SYCP2L: variants seen among roughly 807,000 people sequenced by gnomAD.
The protein encoded by SYCP2L is synaptonemal complex protein 2 like.
SYCP2L carries 98 observed loss-of-function variants against 125.8 expected under a neutral mutation model. The observed-to-expected ratio is 0.78, with a 90% confidence interval of 0.66 to 0.92. The LOEUF is 0.92. SYCP2L is among the 40% of genes least tolerant of loss of function. SYCP2L has a pLI of 0.00. For missense variants in SYCP2L, 842 were observed against 936.4 expected (o/e 0.90, Z 1.32); for synonymous variants, 317 against 325.4 (o/e 0.97, Z 0.28).
intron 14 of SYCP2L, among the ~76,000 whole-genome samples, chr6:10,918,604 T>C (rs185647768): frequency 7.2e-5 from 11 of 152,216 alleles, no homozygotes; most frequent in African/African-American, 2.6e-4. Context: ...TGGTGTGATC[T>C]CAGCTCACTG....
intron 15 of SYCP2L, 55 bp downstream of exon 15, chr6:10,924,696 C>T (rs1780867682): frequency 7.3e-7 from 1 of 1,367,588 alleles, no homozygotes; most frequent in Non-Finnish European, 9.5e-7. Context: ...TGTTTCATGT[C>T]TATTAAATGT....
chr6:10,910,051 C>T, intron 10 of SYCP2L, 97 bp from the exon 11 acceptor site: 1 of 917,442 alleles, frequency 1.1e-6, no homozygotes, highest in Admixed American at 2.2e-5. Context: ...GCCTCCTGGT[C>T]ATTTAGAAGC....
chr6:10,907,249 C>T (rs1449728635), intron 9 of SYCP2L, among the ~76,000 whole-genome samples: 2 of 151,728 alleles, frequency 1.3e-5, no homozygotes, highest in South Asian at 4.2e-4. Flanking sequence ...GAGGCTGAGG[C>T]AGGAGAATCA....
At chr6:10,971,060 G>T (rs1028927342) in intron 29 of SYCP2L, among the ~76,000 whole-genome samples, 8 of 152,292 alleles carry the variant, frequency 5.3e-5, no homozygotes, top group Admixed American at 5.2e-4. Flanking sequence ...GAAGTAAGAG[G>T]TCTAGATTCT....
intron 6 of SYCP2L, among the ~76,000 whole-genome samples, chr6:10,899,686 G>T (rs1396148374): frequency 1.3e-5 from 2 of 152,220 alleles, no homozygotes; most frequent in African/African-American, 4.8e-5. Context: ...CTGAAAGGCT[G>T]TCATTAATTG....
At chr6:10,889,416 T>C (rs1331719304) in intron 1 of SYCP2L, among the ~76,000 whole-genome samples, 5 of 152,210 alleles carry the variant, frequency 3.3e-5, no homozygotes, top group African/African-American at 1.2e-4. Flanking sequence ...TTTCTTTGTG[T>C]TGGGAATGTT....
At position 10,910,849 on chromosome 6, in the gene SYCP2L, G is replaced by C; in HGVS notation, c.898G>C (p.Ala300Pro). 1 of 1,613,966 alleles carries C rather than the reference G, an allele frequency of 6.2e-7. No individual in the cohort carries two copies. Among genetic ancestry groups the C allele is most frequent in the Non-Finnish European group, 8.5e-7 (1 of 1,179,978 alleles). ...GGTGTATTCATTTCCGTGTATTGCT[G>C]CTTTTGCTGATGAGCATGAGGTATG... is the stretch of plus-strand genomic sequence containing the variant. ...RRVYSFPCIA[A>P]FADEHEMRKP... is the part of the protein sequence containing the mutation. Residue 300 changes from alanine to proline, a missense_variant, in exon 12 of 30, where the codon GCT becomes CCT. Coordinates refer to ENST00000283141, the MANE Select transcript of SYCP2L (RefSeq NM_001040274.3).
chr6:10,931,990 C>CT (rs70991076), intron 20 of SYCP2L, among the ~76,000 whole-genome samples: 78,647 of 116,372 alleles, frequency 0.68, 27,059 homozygotes, highest in Non-Finnish European at 0.76. Flanking sequence ...GATTGAGGGT[C>CT]TTTTTTTTTT....
intron 29 of SYCP2L, among the ~76,000 whole-genome samples, chr6:10,966,661 A>C (rs1046890944): frequency 6.6e-6 from 1 of 152,224 alleles, no homozygotes; most frequent in Non-Finnish European, 1.5e-5. Flanking sequence ...AAATTAGAAA[A>C]AAGAGTACTG....
rs1780994659 is a variant in SYCP2L at position 10,931,457 on chromosome 6, C to T, written c.1651C>T (p.Pro551Ser). ...SNLRILPVFPPSSGSGHEKDQ... is the reference protein window; with the variant it reads ...SNLRILPVFPSSSGSGHEKDQ... ...CAATTTAGTCTTGCCAGTTTTCCCT[C>T]CCAGTAGTGGCAGTGGCCATGAGAA... Residue 551 changes from proline (P) to serine (S), a missense_variant, in exon 20 of 30, where the codon CCC (proline) becomes TCC (serine). Physicochemically the swap from Pro to Ser is moderately conservative, Grantham distance 74 (BLOSUM62 -1). Coordinates refer to ENST00000283141, the MANE Select transcript of SYCP2L (RefSeq NM_001040274.3). 1 of 1,614,102 alleles carries T rather than the reference C, an allele frequency of 6.2e-7. No individual in the cohort carries two copies. Among genetic ancestry groups the T allele is most frequent in the East Asian group, 2.2e-5 (1 of 44,890 alleles).
At position 10,947,228 on chromosome 6, in the gene SYCP2L, T is replaced by C. The variant is rs531751644; in HGVS notation, c.1954+4482T>C. ...TTTTCTTTGTTTAAATAGAGTAGTT[T>C]ATCTTCTTTCCTCTTTTTCAAAGTT... On this transcript the variant is annotated intron_variant, in intron 23 of 29. Transcript: ENST00000283141. Among the ~76,000 whole-genome samples the C allele has an allele frequency of 3.4e-4, 51 of 152,202 alleles. No individual in the cohort carries two copies. In the South Asian group the frequency reaches 8.9e-3, roughly 27 times the overall value.
At chr6:10,932,086 T>G (rs548533009) in intron 20 of SYCP2L, among the ~76,000 whole-genome samples, 7 of 151,786 alleles carry the variant, frequency 4.6e-5, no homozygotes, top group Non-Finnish European at 1.0e-4. Flanking sequence ...TCCTGCAAAT[T>G]TACTCTTTTG....
intron 29 of SYCP2L, among the ~76,000 whole-genome samples, chr6:10,965,377 G>A (rs1221627168): frequency 6.6e-6 from 1 of 152,178 alleles, no homozygotes; most frequent in Non-Finnish European, 1.5e-5. Flanking sequence ...TGAGATGGAT[G>A]GTGTTGCCAG....
chr6:10,971,481 A>G lies in SYCP2L; in HGVS notation c.*38-2471A>G, dbSNP rs1781772874. Among the ~76,000 whole-genome samples the G allele has an allele frequency of 2.0e-5, 3 of 151,468 alleles. 1 individual carries two copies. The highest frequency in any genetic ancestry group is 7.3e-5 in the African/African-American group (3 of 41,332). Reference sequence around the variant, plus strand: ...TCAAAAAAAAAAAAAAAAAAGAAAGAAAGAAAGATAGGAGTTACTTTGTGA... The same window carrying G: ...TCAAAAAAAAAAAAAAAAAAGAAAGGAAGAAAGATAGGAGTTACTTTGTGA... On this transcript the variant is annotated intron_variant, in intron 29 of 29. Transcript: ENST00000283141.
intron 29 of SYCP2L, among the ~76,000 whole-genome samples, chr6:10,967,382 A>G (rs1215309327): frequency 6.6e-6 from 1 of 151,972 alleles, no homozygotes; most frequent in African/African-American, 2.4e-5. Flanking sequence ...GTCTCAAATG[A>G]ACATAAATAC....
At chr6:10,905,159 A>AAAAAG (rs1780463592) in intron 8 of SYCP2L, among the ~76,000 whole-genome samples, 2 of 149,542 alleles carry the variant, frequency 1.3e-5, no homozygotes, top group Non-Finnish European at 3.0e-5. Context: ...AAAAAAAAAA[A>AAAAAG]AAAAAAAGAA....
At chr6:10,934,996 A>G in intron 20 of SYCP2L, 62 bp from the exon 21 acceptor site, 1 of 1,408,296 alleles carries the variant, frequency 7.1e-7, no homozygotes, top group Non-Finnish European at 9.7e-7. Context: ...ATGTCTTACA[A>G]TATTTTGATA....
At chr6:10,961,680 T>C (rs1781595897) in intron 28 of SYCP2L, 122 bp downstream of exon 28, 1 of 953,940 alleles carries the variant, frequency 1.0e-6, no homozygotes, top group South Asian at 1.5e-5. Flanking sequence ...CTGCATCTTT[T>C]GAACCGGCCA....
chr6:10,889,902 G>A (rs1421956047), intron 1 of SYCP2L, among the ~76,000 whole-genome samples: 2 of 152,140 alleles, frequency 1.3e-5, no homozygotes, highest in Non-Finnish European at 2.9e-5. Context: ...TTACAGGCAT[G>A]AGCCACCGCA....
Sources: allele counts gnomAD v4.1 joint callset (sites outside exome capture counted in the v4.1 genomes callset), GRCh38; gene constraint gnomAD v4.1.1; transcripts MANE v1.5; gene names NCBI Gene and HGNC (gene_info 2026-07-23, HGNC 2026-07-21).